ZNF423: variants seen among roughly 807,000 people sequenced by gnomAD.
ZNF423 encodes Ebf-associated zinc finger protein.
A neutral mutation model predicts 95.8 loss-of-function variants in ZNF423; 12 were observed. The ratio of observed to expected loss-of-function variants is 0.13; its 90% CI spans 0.08 to 0.20. The LOEUF (loss-of-function observed/expected upper bound fraction) is 0.20. Ranked by LOEUF, ZNF423 falls within the 10% of genes least tolerant of loss-of-function variation. The pLI, the probability that ZNF423 is intolerant of heterozygous loss-of-function variation, is 1.00. For synonymous variants in ZNF423, 749 were observed against 711.9 expected, an observed-to-expected ratio of 1.05 and a Z score of -0.83; for missense variants, 1,316 against 1,737.1, an observed-to-expected ratio of 0.76 and a Z score of 4.31.
chr16:49,502,711 C>T (rs571415754), intron 7 of ZNF423, among the ~76,000 whole-genome samples: 2 of 152,020 alleles, frequency 1.3e-5, no homozygotes, highest in Non-Finnish European at 2.9e-5. Context: ...GGGGTGCTTA[C>T]GAAAGCAGCC....
intron 2 of ZNF423, among the ~76,000 whole-genome samples, chr16:49,760,989 C>T (rs1567331101): frequency 1.3e-5 from 2 of 151,914 alleles, no homozygotes; most frequent in Non-Finnish European, 2.9e-5. Flanking sequence ...CATATACGCA[C>T]ACACGCACAC....
chr16:49,729,192 ATT>A (rs1271709400), intron 3 of ZNF423, among the ~76,000 whole-genome samples: 1 of 152,250 alleles, frequency 6.6e-6, no homozygotes, highest in Non-Finnish European at 1.5e-5. Context: ...AGAATGGCCT[ATT>A]CTCTTGCATT....
At chr16:49,517,288 T>C (rs1968185682) in intron 7 of ZNF423, among the ~76,000 whole-genome samples, 1 of 152,194 alleles carries the variant, frequency 6.6e-6, no homozygotes, top group South Asian at 2.1e-4. Flanking sequence ...GCCATGACTA[T>C]CCAGGACCAA....
chr16:49,745,267 A>G (rs113472365), intron 2 of ZNF423, among the ~76,000 whole-genome samples: 12 of 152,350 alleles, frequency 7.9e-5, no homozygotes, highest in South Asian at 4.1e-4. Context: ...AAGACTGCTC[A>G]TAATTATTGC....
intron 2 of ZNF423, among the ~76,000 whole-genome samples, chr16:49,766,930 T>G (rs1234394921): frequency 6.6e-6 from 1 of 152,028 alleles, no homozygotes; most frequent in African/African-American, 2.4e-5. Context: ...CCTGGCAAAC[T>G]CCAGAACCCC....
intron 3 of ZNF423, among the ~76,000 whole-genome samples, chr16:49,709,121 G>A (rs2032456573): frequency 6.8e-6 from 1 of 147,754 alleles, no homozygotes; most frequent in African/African-American, 2.5e-5. Context: ...CAGCAGCTCG[G>A]CCCAGAAAAG....
intron 5 of ZNF423, among the ~76,000 whole-genome samples, chr16:49,556,921 T>C (rs76634758): frequency 0.054 from 8,183 of 152,238 alleles, 306 homozygotes; most frequent in East Asian, 0.14. Context: ...TGTAACTCAA[T>C]ATATGTCAAC....
rs988297156 is a variant in ZNF423, at chr16:49,636,008, G to A, written c.3168C>T (p.Gly1056=). The A allele has an allele frequency of 1.2e-6, 2 of 1,606,706 alleles. No individual in the cohort carries two copies. Among genetic ancestry groups the A allele is most frequent in the East Asian group, 4.5e-5 (2 of 44,732 alleles). ...CATTGGGGGAGGACGCCGCTGAGCT[G>A]CCCGCCAGCTTCTGCATGTGGAAGG... ...HGTFHMQKLA[G]SSAASSPNGQ... is the part of the protein sequence containing the mutation. Residue 1056 remains glycine, a synonymous_variant, in exon 4 of 8, where the codon GGC becomes GGT. Transcript: ENST00000563137. The surrounding 1 kb of genome is among the most constrained non-coding windows in gnomAD (Gnocchi z 8.6).
intron 2 of ZNF423, among the ~76,000 whole-genome samples, chr16:49,749,143 C>G (rs970331949): frequency 4.6e-5 from 7 of 152,204 alleles, no homozygotes; most frequent in African/African-American, 1.7e-4. Context: ...TCTAGCAGCA[C>G]CAAGTCTCAC....
intron 2 of ZNF423, among the ~76,000 whole-genome samples, chr16:49,777,284 TG>T (rs1282317153): frequency 7.9e-5 from 12 of 152,218 alleles, no homozygotes; most frequent in Non-Finnish European, 1.8e-4. Flanking sequence ...TGTGCATGGG[TG>T]GTACATGTGC....
chr16:49,626,398 C>T (rs531457150), intron 4 of ZNF423, 144 bp from the exon 5 acceptor site: 1 of 657,170 alleles, frequency 1.5e-6, no homozygotes, highest in Admixed American at 2.6e-5. Flanking sequence ...TCTCTTCCCA[C>T]CTTCCTCTAA....
intron 1 of ZNF423, among the ~76,000 whole-genome samples, chr16:49,837,705 C>A (rs537185574): frequency 6.6e-6 from 1 of 152,348 alleles, no homozygotes; most frequent in African/African-American, 2.4e-5. Context: ...CCATCATGTC[C>A]TCGTGGACAG....
At chr16:49,589,498 ATT>A (rs200653412) in intron 5 of ZNF423, among the ~76,000 whole-genome samples, 1 of 148,130 alleles carries the variant, frequency 6.8e-6, no homozygotes, top group Non-Finnish European at 1.5e-5. Flanking sequence ...GAGTACTTTG[ATT>A]TTTTTTTTTA....
chr16:49,539,151 C>G (rs764820769), intron 5 of ZNF423, among the ~76,000 whole-genome samples: 9 of 152,086 alleles, frequency 5.9e-5, no homozygotes, highest in Non-Finnish European at 1.3e-4. Flanking sequence ...AGAGTCCTGC[C>G]TCAACTACAC....
intron 5 of ZNF423, among the ~76,000 whole-genome samples, chr16:49,600,903 T>C (rs191452547): frequency 1.6e-4 from 25 of 152,198 alleles, no homozygotes; most frequent in African/African-American, 5.1e-4. Context: ...TTTCACGAAT[T>C]TCCCCTTAAC....
intron 3 of ZNF423, among the ~76,000 whole-genome samples, chr16:49,727,291 C>G (rs1028097956): frequency 4.6e-5 from 7 of 152,148 alleles, no homozygotes; most frequent in African/African-American, 1.7e-4. Context: ...GAGCTCCCAA[C>G]TGGAAATGAA....
At chr16:49,789,344 C>T (rs1456013826) in intron 2 of ZNF423, 143 bp downstream of exon 2, 3 of 659,908 alleles carry the variant, frequency 4.5e-6, no homozygotes, top group South Asian at 4.0e-5. Context: ...ATATAAAAAT[C>T]GTGTTGCATG....
chr16:49,638,561 G>A lies in ZNF423; in HGVS notation c.615C>T (p.His205=), dbSNP rs369646082. 8.4e-5 allele frequency: 136 copies of A among 1,613,852 alleles called. No homozygotes were observed. The highest frequency in any genetic ancestry group is 3.1e-4 in the African/African-American group (23 of 75,038). ...TGCGGGAGAAGGCTGCCTCGCACTCGTGGCAGTGATACTTCTTGTCGCCCG... is the reference window on the plus strand; with the variant it reads ...TGCGGGAGAAGGCTGCCTCGCACTCATGGCAGTGATACTTCTTGTCGCCCG... ...LHTGDKKYHC[H]ECEAAFSRSD... is the part of the protein sequence containing the mutation. Residue 205 remains histidine (H), a synonymous_variant, in exon 4 of 8, where the codon CAC becomes CAT. Transcript: ENST00000563137. This position sits in a 1 kb window ranked among gnomAD's most constrained non-coding sequence, Gnocchi z 5.6.
intron 5 of ZNF423, among the ~76,000 whole-genome samples, chr16:49,605,000 C>T (rs942796172): frequency 6.6e-6 from 1 of 152,216 alleles, no homozygotes; most frequent in African/African-American, 2.4e-5. Context: ...ACTTTTGCCT[C>T]GGATGCTGCC....
Sources: gnomAD v4.1 joint callset for allele counts (sites outside exome capture counted in the v4.1 genomes callset) on GRCh38, gnomAD v4.1.1 for gene constraint, Gnocchi (gnomAD v3.1) non-coding constraint, MANE v1.5 for transcripts, NCBI Gene and HGNC (gene_info 2026-07-23, HGNC 2026-07-21) for gene names.